The following TICAM1 variants were observed in gnomAD, a reference collection of about 807,000 sequenced individuals.
The protein encoded by TICAM1 is TIR domain-containing adapter molecule 1.
For missense variants in TICAM1, 895 were observed against 938.2 expected (o/e 0.95, Z 0.60); for synonymous variants, 439 against 415.4 (o/e 1.06, Z -0.69).
At chr19:4,820,576 A>AT in intron 1 of TICAM1, among the ~76,000 whole-genome samples, 1 of 151,118 alleles carries the variant, frequency 6.6e-6, no homozygotes, top group East Asian at 2.0e-4. Context: ...TTAAGAAGTA[A>AT]TTTTTTGGCC....
At chr19:4,822,028 C>T (rs1393921449) in intron 1 of TICAM1, among the ~76,000 whole-genome samples, 4 of 151,906 alleles carry the variant, frequency 2.6e-5, no homozygotes, top group Admixed American at 6.6e-5. Flanking sequence ...CTCCACCTCC[C>T]GGATTCAAGC....
intron 1 of TICAM1, among the ~76,000 whole-genome samples, chr19:4,819,694 G>A (rs1296608019): frequency 6.6e-6 from 1 of 152,074 alleles, no homozygotes; most frequent in East Asian, 1.9e-4. Flanking sequence ...CCAACATGGT[G>A]AAACCCCATC....
At chr19:4,826,879 G>C (rs545088519) in intron 1 of TICAM1, among the ~76,000 whole-genome samples, 24 of 152,144 alleles carry the variant, frequency 1.6e-4, no homozygotes, top group African/African-American at 5.8e-4. Flanking sequence ...ATGTGGACCT[G>C]GTTATGGGGC....
At position 4,818,466 on chromosome 19, in the gene TICAM1, G is replaced by A. The variant is rs1222416670; in HGVS notation, c.-89C>T. 3 of 1,465,042 alleles carry A rather than the reference G, an allele frequency of 2.0e-6. No individual in the cohort carries two copies. Among genetic ancestry groups the A allele is most frequent in the South Asian group, 2.9e-5 (2 of 69,014 alleles). The allele number at this position is 1,465,042 out of a possible 1,614,324, so 90.8% of individuals were successfully genotyped here. A position where few individuals can be genotyped will look rare whatever the true frequency, so the allele number is the denominator to read the frequency against. On this transcript the variant is annotated 5_prime_UTR_variant, in exon 2 of 2. Coordinates refer to ENST00000248244, the MANE Select transcript of TICAM1 (RefSeq NM_182919.4). This position sits in a 1 kb window ranked among gnomAD's most constrained non-coding sequence, Gnocchi z 4.0. ...GCCCCCCGCCTTCTGCACGCCCAGT[G>A]TCCCCTACCCATTCACTGTTCCAGG...
At chr19:4,823,961 C>T (rs538087941) in intron 1 of TICAM1, among the ~76,000 whole-genome samples, 18 of 152,206 alleles carry the variant, frequency 1.2e-4, no homozygotes, top group African/African-American at 3.9e-4. Context: ...CTACCTGTGT[C>T]TACTGGGCAC....
intron 1 of TICAM1, among the ~76,000 whole-genome samples, chr19:4,819,088 G>T (rs1312841057): frequency 6.6e-6 from 1 of 152,072 alleles, no homozygotes; most frequent in East Asian, 1.9e-4. Context: ...TCCAGCCTGG[G>T]CAGCAGAGTG....
In TICAM1 at chr19:4,816,294, A is replaced by G. The variant is rs771550869; in HGVS notation, c.2084T>C (p.Met695Thr). The change falls in exon 2 of 2, where the codon ATG becomes ACG. Residue 695 changes from methionine (M) to threonine (T), a missense_variant. Coordinates refer to ENST00000248244, the MANE Select transcript of TICAM1 (RefSeq NM_182919.4). The surrounding 1 kb of genome is among the most constrained non-coding windows in gnomAD (Gnocchi z 4.3). ...CGCCTGGGACCCTCTCTGGTTCCAC[A>G]TGTGGTTGTTCAGCCCCAGCTGTAC... Reference protein sequence around the residue: ...QMVQLGLNNHMWNQRGSQAPE... With the variant: ...QMVQLGLNNHTWNQRGSQAPE... 1 of 1,522,978 alleles carries G rather than the reference A, an allele frequency of 6.6e-7. No homozygotes were observed. Among genetic ancestry groups the G allele is most frequent in the Non-Finnish European group, 8.8e-7 (1 of 1,136,496 alleles). 94.3% of individuals were successfully genotyped at this position (1,522,978 alleles called of 1,614,324 possible). A position where few individuals can be genotyped will look rare whatever the true frequency, so the allele number is the denominator to read the frequency against.
intron 1 of TICAM1, among the ~76,000 whole-genome samples, chr19:4,819,731 CG>C (rs2093594095): frequency 6.6e-6 from 1 of 151,764 alleles, no homozygotes; most frequent in African/African-American, 2.4e-5. Context: ...AAAAATTAGC[CG>C]GGTGTGGTGG....
Position 4,830,209 on chromosome 19 carries a change from T to A in TICAM1, c.-140+1405A>T, listed in dbSNP as rs373843860. On this transcript the variant is annotated intron_variant, in intron 1 of 1. Coordinates refer to ENST00000248244, the MANE Select transcript of TICAM1 (RefSeq NM_182919.4). ...TTCAAGTGATCCTCCCACCTCAGCC[T>A]CCCGAGTAGCTGGGACTACAGGTGT... Among the ~76,000 whole-genome samples, 6 of 152,160 alleles carry A rather than the reference T, an allele frequency of 3.9e-5. No individual in the cohort carries two copies. In the East Asian group the frequency reaches 7.7e-4, roughly 20 times the overall value.
rs1206192015 is a variant in TICAM1, at chr19:4,817,597, T to A, written c.781A>T (p.Ile261Phe). The change falls in exon 2 of 2, where the codon ATT becomes TTT. Residue 261 changes from isoleucine to phenylalanine, a missense_variant. Coordinates refer to ENST00000248244, the MANE Select transcript of TICAM1 (RefSeq NM_182919.4). This position sits in a 1 kb window ranked among gnomAD's most constrained non-coding sequence, Gnocchi z 4.7. Reference sequence around the variant, plus strand: ...CTTGGCAGCTCTGGTGGGCTGGCAATCTCCCCCGATGGCGGCCAGCTCATC... The same window carrying A: ...CTTGGCAGCTCTGGTGGGCTGGCAAACTCCCCCGATGGCGGCCAGCTCATC... ...EEMSWPPSGEIASPPELPSSP... is the reference protein window; with the variant it reads ...EEMSWPPSGEFASPPELPSSP... 6.2e-7 allele frequency: 1 copy of A among 1,605,190 alleles called. No homozygotes were observed. The highest frequency in any genetic ancestry group is 8.5e-7 in the Non-Finnish European group (1 of 1,176,268).
intron 1 of TICAM1, among the ~76,000 whole-genome samples, chr19:4,830,068 G>A (rs2093611705): frequency 7.5e-6 from 1 of 133,756 alleles, no homozygotes; most frequent in Non-Finnish European, 1.6e-5. Flanking sequence ...GGGATTACAG[G>A]CGTGAGCCAC....
In TICAM1 at chr19:4,817,639, A is replaced by G; in HGVS notation, c.739T>C (p.Cys247Arg). Residue 247 changes from cysteine to arginine, a missense_variant, in exon 2 of 2, where the codon TGC (cysteine) becomes CGC (arginine). By Grantham distance (180) the Cys-to-Arg change is radical. Transcript: ENST00000248244. The surrounding 1 kb of genome is among the most constrained non-coding windows in gnomAD (Gnocchi z 4.7). The stretch of plus-strand genomic sequence containing the variant: ...CAGCTCATCTCCTCAGGCTCCTGGC[A>G]GCCACCGGGGACAGGCTCGGGCACC... ...SLVPEPVPGG[C>R]QEPEEMSWPP... is the part of the protein sequence containing the mutation. The G allele has an allele frequency of 6.3e-7, 1 of 1,585,266 alleles. No individual in the cohort carries two copies. Among genetic ancestry groups the G allele is most frequent in the East Asian group, 2.2e-5 (1 of 44,640 alleles).
Position 4,816,866 on chromosome 19 carries a change from G to A in TICAM1, c.1512C>T (p.Ala504=), listed in dbSNP as rs777207773. 5.0e-6 allele frequency: 8 copies of A among 1,612,628 alleles called. No homozygotes were observed. The East Asian group carries it at 6.7e-5, about 13-fold the overall frequency. Residue 504 remains alanine, a synonymous_variant, in exon 2 of 2, where the codon GCC becomes GCT. Coordinates refer to ENST00000248244, the MANE Select transcript of TICAM1 (RefSeq NM_182919.4). The surrounding 1 kb of genome is among the most constrained non-coding windows in gnomAD (Gnocchi z 4.3). ...GCCGCACCAGCCCGGAGAGCAGGCT[G>A]GCCGTGTCGGAGCTGAGCTGGGCCG... ...SSPAQLSSDT[A]SLLSGLVRLD...
chr19:4,816,222 CAGGCAAGGACA>C lies in TICAM1; in HGVS notation c.*6_*16del, dbSNP rs1354235307. 6.7e-7 allele frequency: 1 copy of C among 1,495,174 alleles called. No homozygotes were observed. Among genetic ancestry groups the C allele is most frequent in the Non-Finnish European group, 8.9e-7 (1 of 1,126,608 alleles). The allele number at this position is 1,495,174 out of a possible 1,614,324, so 92.6% of individuals were successfully genotyped here. A position where few individuals can be genotyped will look rare whatever the true frequency, so the allele number is the denominator to read the frequency against. On this transcript the variant is annotated 3_prime_UTR_variant, in exon 2 of 2. Coordinates refer to ENST00000248244, the MANE Select transcript of TICAM1 (RefSeq NM_182919.4). This position sits in a 1 kb window ranked among gnomAD's most constrained non-coding sequence, Gnocchi z 4.3. Reference sequence around the variant, plus strand: ...GGTCCAGGGGTGTTCCCCAGGTGGTCAGGCAAGGACACGCGGTCATTCTGCCTCCTGCGTCT... The same window carrying C: ...GGTCCAGGGGTGTTCCCCAGGTGGTCCGCGGTCATTCTGCCTCCTGCGTCT...
intron 1 of TICAM1, among the ~76,000 whole-genome samples, chr19:4,821,013 G>A (rs1397216460): frequency 1.5e-5 from 2 of 135,104 alleles, no homozygotes; most frequent in Non-Finnish European, 3.1e-5. Context: ...TCAACACGGT[G>A]AAACTCCCGT....
intron 1 of TICAM1, among the ~76,000 whole-genome samples, chr19:4,822,822 A>G (rs924251126): frequency 6.6e-6 from 1 of 152,176 alleles, no homozygotes; most frequent in Non-Finnish European, 1.5e-5. Context: ...TTTGATGCCA[A>G]TGTTTGTAAC....
At chr19:4,823,899 T>C (rs1225730159) in intron 1 of TICAM1, among the ~76,000 whole-genome samples, 1 of 152,184 alleles carries the variant, frequency 6.6e-6, no homozygotes, top group African/African-American at 2.4e-5. Context: ...ACTTGCAGTC[T>C]AGATCAGCCT....
chr19:4,817,327 G>A lies in TICAM1; in HGVS notation c.1051C>T (p.Pro351Ser), dbSNP rs1568365240. Residue 351 changes from proline (P) to serine (S), a missense_variant, in exon 2 of 2, where the codon CCT becomes TCT. By Grantham distance (74) the Pro-to-Ser change is moderately conservative. Transcript: ENST00000248244. This position sits in a 1 kb window ranked among gnomAD's most constrained non-coding sequence, Gnocchi z 4.7. The part of the protein sequence containing the change: ...TTSPNTKPCP[P>S]TPTTPETSPP... ...GATGTTTCTGGGGTGGTGGGAGTAGGTGGGCACGGCTTGGTATTTGGAGAG... is the reference window on the plus strand; with the variant it reads ...GATGTTTCTGGGGTGGTGGGAGTAGATGGGCACGGCTTGGTATTTGGAGAG... 4 of 1,613,766 alleles carry A rather than the reference G, an allele frequency of 2.5e-6. No individual in the cohort carries two copies. Among genetic ancestry groups the A allele is most frequent in the Non-Finnish European group, 3.4e-6 (4 of 1,180,024 alleles).
chr19:4,826,116 C>T lies in TICAM1; in HGVS notation c.-140+5498G>A, dbSNP rs570772222. ...AATCAAGGCTGCAGTGACCGGAGATCGCGCCACTGCACTCCAGCCTGGGCA... is the reference window on the plus strand; with the variant it reads ...AATCAAGGCTGCAGTGACCGGAGATTGCGCCACTGCACTCCAGCCTGGGCA... On this transcript the variant is annotated intron_variant, in intron 1 of 1. Coordinates refer to ENST00000248244, the MANE Select transcript of TICAM1 (RefSeq NM_182919.4). Among the ~76,000 whole-genome samples, 5 of 151,918 alleles carry T rather than the reference C, an allele frequency of 3.3e-5. 1 individual carries two copies. Among genetic ancestry groups the T allele is most frequent in the African/African-American group, 1.2e-4 (5 of 41,484 alleles).
Sources: gnomAD v4.1 joint callset for allele counts (sites outside exome capture counted in the v4.1 genomes callset) on GRCh38, gnomAD v4.1.1 for gene constraint, Gnocchi (gnomAD v3.1) non-coding constraint, MANE v1.5 for transcripts, NCBI Gene and HGNC (gene_info 2026-07-23, HGNC 2026-07-21) for gene names.